Variants in PRKDC observed in about 807,000 individuals in gnomAD.
PRKDC encodes protein kinase, DNA-activated, catalytic subunit.
In PRKDC, 82 loss-of-function variants were observed where a neutral mutation model predicts 486.9. The observed-to-expected ratio is 0.17, with a 90% CI of 0.14 to 0.20. PRKDC has a LOEUF of 0.20. Among genes scored for constraint, PRKDC ranks in the 10% least tolerant of loss-of-function variants. PRKDC has a pLI of 1.00. For synonymous variants in PRKDC, 1,895 were observed against 1,837.0 expected (o/e 1.03, Z -0.81); for missense variants, 4,504 against 5,038.2 (o/e 0.89, Z 3.21).
At chr8:47,951,176 A>G (rs905177616) in intron 7 of PRKDC, among the ~76,000 whole-genome samples, 4 of 152,082 alleles carry the variant, frequency 2.6e-5, no homozygotes, top group African/African-American at 9.7e-5. Context: ...CCTGGGCAAC[A>G]TGGGGAAACC....
Position 47,866,799 on chromosome 8 carries a change from G to A in PRKDC, c.5364-2036C>T, listed in dbSNP as rs539760889. Among the ~76,000 whole-genome samples the A allele has an allele frequency of 3.3e-5, 5 of 152,138 alleles. 1 individual carries two copies. In the South Asian group the frequency reaches 1.0e-3, roughly 31 times the overall value. ...AGACATACCTGGCAAAATTACAAATGTACTTACCTTTTCATCTGCATTTAG... is the reference window on the plus strand; with the variant it reads ...AGACATACCTGGCAAAATTACAAATATACTTACCTTTTCATCTGCATTTAG... On this transcript the variant is annotated intron_variant, in intron 40 of 85. Transcript: ENST00000314191.
In PRKDC at chr8:47,956,052, A is replaced by G. The variant is rs551469023; in HGVS notation, c.325-104T>C. The G allele has an allele frequency of 1.9e-5, 16 of 832,380 alleles. No homozygotes were observed. In the East Asian group the frequency reaches 4.3e-4, roughly 23 times the overall value. 51.6% of individuals were successfully genotyped at this position (832,380 alleles called of 1,614,324 possible). ...TCCAAGAGGAGCAATACCAAAATTC[A>G]GTATTTAGCTGTGGAAAATATAACA... On this transcript the variant is annotated intron_variant, in intron 3 of 85. Transcript: ENST00000314191.
chr8:47,922,225 CAGGCT>C (rs2090083718), intron 21 of PRKDC, among the ~76,000 whole-genome samples: 1 of 152,010 alleles, frequency 6.6e-6, no homozygotes, highest in Non-Finnish European at 1.5e-5. Context: ...CTTGACCTCC[CAGGCT>C]TGAGCAATCC....
At position 47,890,435 on chromosome 8, in the gene PRKDC, A is replaced by G; in HGVS notation, c.3893T>C (p.Leu1298Ser). The change falls in exon 32 of 86, where the codon TTA (leucine) becomes TCA (serine). Residue 1298 changes from leucine (L) to serine (S), a missense_variant. Physicochemically the swap from Leu to Ser is moderately radical, Grantham distance 145. Transcript: ENST00000314191. ...AATGTCATGCATGGCAATGCTTTCT[A>G]AGAAGAAAGCCACTGCTTTCAAAAG... is the stretch of plus-strand genomic sequence containing the variant. ...SSLLKAVAFF[L>S]ESIAMHDIIA... 2 of 1,585,896 alleles carry G rather than the reference A, an allele frequency of 1.3e-6. No individual in the cohort carries two copies. Among genetic ancestry groups the G allele is most frequent in the Non-Finnish European group, 1.7e-6 (2 of 1,164,706 alleles).
At chr8:47,862,764 C>T (rs965158373) in intron 42 of PRKDC, among the ~76,000 whole-genome samples, 7 of 152,160 alleles carry the variant, frequency 4.6e-5, no homozygotes, top group Admixed American at 2.0e-4. Context: ...TGGTCAGTGA[C>T]GCAACGGCAT....
intron 25 of PRKDC, among the ~76,000 whole-genome samples, chr8:47,906,936 A>G (rs1457167213): frequency 6.6e-6 from 1 of 151,512 alleles, no homozygotes; most frequent in Non-Finnish European, 1.5e-5. Flanking sequence ...ACTGGCCTCT[A>G]TGAAGCAATT....
At chr8:47,918,947 C>T (rs1299469187) in intron 21 of PRKDC, among the ~76,000 whole-genome samples, 1 of 151,914 alleles carries the variant, frequency 6.6e-6, no homozygotes, top group Non-Finnish European at 1.5e-5. Context: ...TGTTGAAGTA[C>T]CCCGAATAAA....
chr8:47,949,856 A>C (rs1448188255), intron 7 of PRKDC, among the ~76,000 whole-genome samples: 1 of 152,254 alleles, frequency 6.6e-6, no homozygotes, highest in Non-Finnish European at 1.5e-5. Flanking sequence ...CATTAGCTTA[A>C]AATGAAACTG....
chr8:47,890,591 A>T, intron 31 of PRKDC, 111 bp from the exon 32 acceptor site: 1 of 694,324 alleles, frequency 1.4e-6, no homozygotes, highest in Non-Finnish European at 2.3e-6. Flanking sequence ...GCAAAAATTC[A>T]AAATTTTTCA....
intron 65 of PRKDC, among the ~76,000 whole-genome samples, chr8:47,821,308 G>C (rs1301099322): frequency 1.3e-5 from 2 of 152,188 alleles, no homozygotes; most frequent in African/African-American, 4.8e-5. Flanking sequence ...TGTTTAGCCA[G>C]TGATCCGGGG....
At chr8:47,819,147 C>T (rs1441554183) in intron 67 of PRKDC, among the ~76,000 whole-genome samples, 1 of 152,192 alleles carries the variant, frequency 6.6e-6, no homozygotes, top group African/African-American at 2.4e-5. Flanking sequence ...CTGGAGTCAC[C>T]CCGCTACTCC....
chr8:47,889,819 T>C (rs775083887), intron 32 of PRKDC, among the ~76,000 whole-genome samples: 3 of 152,228 alleles, frequency 2.0e-5, no homozygotes, highest in Non-Finnish European at 4.4e-5. Flanking sequence ...ATGATGACTG[T>C]AGTTAATAAC....
chr8:47,834,736 G>C, intron 58 of PRKDC, among the ~76,000 whole-genome samples: 1 of 141,306 alleles, frequency 7.1e-6, no homozygotes, highest in East Asian at 2.1e-4. Context: ...TGTGGCCCAG[G>C]CTGGAGTGCA....
intron 43 of PRKDC, 60 bp from the exon 44 acceptor site, chr8:47,862,187 T>C: frequency 5.5e-6 from 8 of 1,464,834 alleles, no homozygotes; most frequent in South Asian, 1.3e-5. Flanking sequence ...ATAATCGATG[T>C]TACTTTAGAA....
At position 47,799,571 on chromosome 8, in the gene PRKDC, T is replaced by G. The variant is rs146188128; in HGVS notation, c.10117-181A>C. Among the ~76,000 whole-genome samples the G allele has an allele frequency of 2.8e-3, 426 of 152,256 alleles. 3 individuals are homozygous for G. The highest frequency in any genetic ancestry group is 0.017 in the East Asian group (90 of 5,178). ...GAAGGAGCAAGCAATTCCAGCAAGATCCTCAGCAGGTAACAACTGGCCAAA... is the reference window on the plus strand; with the variant it reads ...GAAGGAGCAAGCAATTCCAGCAAGAGCCTCAGCAGGTAACAACTGGCCAAA... On this transcript the variant is annotated intron_variant, in intron 71 of 85. Coordinates refer to ENST00000314191, the MANE Select transcript of PRKDC (RefSeq NM_006904.7).
intron 7 of PRKDC, among the ~76,000 whole-genome samples, chr8:47,950,272 C>CAAA (rs200893278): frequency 1.3e-5 from 1 of 76,790 alleles, no homozygotes. Context: ...AACTCTGTCT[C>CAAA]AAAAAAAAAA....
chr8:47,803,194 G>T, intron 70 of PRKDC, 112 bp downstream of exon 70: 2 of 1,083,080 alleles, frequency 1.8e-6, no homozygotes, highest in Non-Finnish European at 2.6e-6. Flanking sequence ...TGAAATTACT[G>T]CAAAGATTTA....
At chr8:47,918,547 T>G (rs1247700484) in intron 21 of PRKDC, among the ~76,000 whole-genome samples, 164 bp from the exon 22 acceptor site, 2 of 152,236 alleles carry the variant, frequency 1.3e-5, no homozygotes, top group Non-Finnish European at 2.9e-5. Flanking sequence ...TGGTTGCTTT[T>G]AAACATCACT....
intron 85 of PRKDC, among the ~76,000 whole-genome samples, chr8:47,776,207 A>C (rs1190733922): frequency 6.6e-6 from 1 of 152,210 alleles, no homozygotes; most frequent in Non-Finnish European, 1.5e-5. Flanking sequence ...CATGGTGTGA[A>C]ACAAGGACCT....
Sources: allele counts gnomAD v4.1 joint callset (sites outside exome capture counted in the v4.1 genomes callset), GRCh38; gene constraint gnomAD v4.1.1; transcripts MANE v1.5; gene names NCBI Gene and HGNC (gene_info 2026-07-23, HGNC 2026-07-21).